Variants in R3HDM2 observed in about 807,000 individuals in gnomAD.
The protein encoded by R3HDM2 is R3H domain containing 2, also known as R3H domain-containing protein 2.
R3HDM2 carries 38 observed loss-of-function variants against 124.5 expected under a neutral mutation model. The observed-to-expected ratio is 0.31, with a 90% CI of 0.24 to 0.40. R3HDM2 has a LOEUF of 0.40. Among genes scored for constraint, R3HDM2 ranks in the 10% least tolerant of loss-of-function variants. R3HDM2 has a pLI of 1.00. For synonymous variants in R3HDM2, 391 were observed against 448.0 expected, an observed-to-expected ratio of 0.87 and a Z score of 1.61; for missense variants, 869 against 1,236.9, an observed-to-expected ratio of 0.70 and a Z score of 4.46.
intron 2 of R3HDM2, among the ~76,000 whole-genome samples, chr12:57,389,577 C>T (rs577714565): frequency 2.6e-5 from 4 of 152,280 alleles, no homozygotes; most frequent in East Asian, 1.9e-4. Context: ...AGTATATACA[C>T]TACATTGTCA....
At chr12:57,265,443 C>G (rs1268373417) in intron 19 of R3HDM2, among the ~76,000 whole-genome samples, 5 of 151,294 alleles carry the variant, frequency 3.3e-5, no homozygotes, top group Admixed American at 6.6e-5. Context: ...AGGATAAGTA[C>G]AGAAGACACA....
Position 57,430,917 on chromosome 12 carries a change from A to C in R3HDM2, c.-303T>G, listed in dbSNP as rs1869752244. ...CGGGGGAGGGGAAAGGGGCTTGGGA[A>C]GGAGGGGGGAGAGGGGAAGAAAAGG... On this transcript the variant is annotated 5_prime_UTR_variant, in exon 1 of 24. Transcript: ENST00000402412. 8.4e-6 allele frequency: 1 copy of C among 118,356 alleles called. No individual in the cohort carries two copies. The allele number at this position is 118,356 out of a possible 1,614,324, so 7.3% of individuals were successfully genotyped here.
chr12:57,369,827 C>G (rs2063104560), intron 2 of R3HDM2, among the ~76,000 whole-genome samples: 1 of 152,038 alleles, frequency 6.6e-6, no homozygotes, highest in Non-Finnish European at 1.5e-5. Context: ...TTAAAAGCAA[C>G]AGAAATTCAA....
Position 57,267,299 on chromosome 12 carries a change from G to A in R3HDM2, c.2031-468C>T, listed in dbSNP as rs549467221. 5.4e-4 allele frequency among the ~76,000 whole-genome samples: 82 copies of A among 152,358 alleles called. No homozygotes were observed. In the South Asian group the frequency reaches 0.016, roughly 30 times the overall value. On this transcript the variant is annotated intron_variant, in intron 18 of 23. Transcript: ENST00000402412. ...CAGTTGGGTGCAGTGGCTTACGCCTGTAATCCCAGCACTTTGGGAGGCCAA... is the reference window on the plus strand; with the variant it reads ...CAGTTGGGTGCAGTGGCTTACGCCTATAATCCCAGCACTTTGGGAGGCCAA...
At chr12:57,382,078 C>T (rs1342580668) in intron 2 of R3HDM2, among the ~76,000 whole-genome samples, 1 of 151,964 alleles carries the variant, frequency 6.6e-6, no homozygotes, top group Non-Finnish European at 1.5e-5. Context: ...AACTCAACCT[C>T]CCAAAGTGCT....
chr12:57,299,382 C>T lies in R3HDM2; in HGVS notation c.391G>A (p.Glu131Lys), dbSNP rs935576981. The T allele has an allele frequency of 1.3e-6, 2 of 1,549,722 alleles. No homozygotes were observed. Among genetic ancestry groups the T allele is most frequent in the Admixed American group, 3.9e-5 (2 of 50,986 alleles). The change falls in exon 6 of 24, where the codon GAA becomes AAA. Residue 131 changes from glutamate to lysine, a missense_variant. Physicochemically the swap from Glu to Lys is moderately conservative, Grantham distance 56 (BLOSUM62 1). Around this residue, in one of 2 missense-constraint regions of R3HDM2, gnomAD observed 267 missense variants for 447.7 expected, o/e 0.60. Coordinates refer to ENST00000402412, the MANE Select transcript of R3HDM2 (RefSeq NM_001394031.1). The part of the protein sequence containing the change: ...SEKEDKDKNK[E>K]KIPRKMLSRD... ...GACAGCATCTTCCTTGGGATCTTTT[C>T]TTTGTTTTTGTCCTTGTCTTCCTTT...
At chr12:57,276,413 G>A (rs2044754752) in intron 14 of R3HDM2, among the ~76,000 whole-genome samples, 1 of 152,138 alleles carries the variant, frequency 6.6e-6, no homozygotes, top group Non-Finnish European at 1.5e-5. Flanking sequence ...AGAAACTGTG[G>A]TATATACACA....
intron 1 of R3HDM2, among the ~76,000 whole-genome samples, chr12:57,405,653 C>A (rs1370297761): frequency 6.6e-6 from 1 of 152,078 alleles, no homozygotes; most frequent in Non-Finnish European, 1.5e-5. Context: ...ACAGACCAAC[C>A]TACAGTCCAA....
At chr12:57,273,606 T>A (rs1221807237) in intron 14 of R3HDM2, among the ~76,000 whole-genome samples, 1 of 152,198 alleles carries the variant, frequency 6.6e-6, no homozygotes, top group African/African-American at 2.4e-5. Flanking sequence ...ATTAAATCAC[T>A]CATCTAGGCT....
At chr12:57,341,474 G>C in intron 2 of R3HDM2, 1 of 937,398 alleles carries the variant, frequency 1.1e-6, no homozygotes, top group Non-Finnish European at 1.3e-6. Flanking sequence ...CGTCACTGGA[G>C]GTAGAGGGAA....
Position 57,403,126 on chromosome 12 carries a change from C to T in R3HDM2, c.-105-7308G>A, listed in dbSNP as rs535127149. ...ATCCCAGCACTTTAGGAGGCTGAGG[C>T]GGGTGGATCACCTGAGGTTAGGAGT... is the stretch of plus-strand genomic sequence containing the variant. On this transcript the variant is annotated intron_variant, in intron 1 of 23. Transcript: ENST00000402412. 3.2e-4 allele frequency among the ~76,000 whole-genome samples: 49 copies of T among 151,860 alleles called. 1 individual carries two copies. In the East Asian group the frequency reaches 9.6e-3, roughly 30 times the overall value.
intron 3 of R3HDM2, among the ~76,000 whole-genome samples, chr12:57,309,481 G>A (rs927417671): frequency 2.0e-5 from 3 of 152,176 alleles, no homozygotes; most frequent in South Asian, 2.1e-4. Flanking sequence ...ACTACAGTAC[G>A]AATTTGGATG....
At chr12:57,361,923 A>G (rs1180200686) in intron 2 of R3HDM2, among the ~76,000 whole-genome samples, 1 of 152,190 alleles carries the variant, frequency 6.6e-6, no homozygotes, top group African/African-American at 2.4e-5. Context: ...GACACCATTA[A>G]GAAAATCACT....
chr12:57,419,346 G>C (rs2069962814), intron 1 of R3HDM2, among the ~76,000 whole-genome samples: 1 of 151,544 alleles, frequency 6.6e-6, no homozygotes, highest in Admixed American at 6.6e-5. Flanking sequence ...GGTTTTATCA[G>C]GTTGGCCAGG....
Position 57,296,600 on chromosome 12 carries a change from A to G in R3HDM2, c.561-49T>C. On this transcript the variant is annotated intron_variant, in intron 8 of 23. Coordinates refer to ENST00000402412, the MANE Select transcript of R3HDM2 (RefSeq NM_001394031.1). This position sits in a 1 kb window ranked among gnomAD's most constrained non-coding sequence, Gnocchi z 4.5. ...AAGTGAAATAAGACAAACAACTGCA[A>G]TAACAACCAATTTTAATTTTTCTTA... is the stretch of plus-strand genomic sequence containing the variant. 1 of 1,521,958 alleles carries G rather than the reference A, an allele frequency of 6.6e-7. No homozygotes were observed. The highest frequency in any genetic ancestry group is 8.9e-7 in the Non-Finnish European group (1 of 1,125,896). 94.3% of individuals were successfully genotyped at this position (1,521,958 alleles called of 1,614,324 possible).
At chr12:57,358,279 G>A (rs1222918955) in intron 2 of R3HDM2, among the ~76,000 whole-genome samples, 6 of 151,882 alleles carry the variant, frequency 4.0e-5, no homozygotes, top group South Asian at 4.2e-4. Flanking sequence ...GAGCCACCGC[G>A]CCCAGCCAAA....
chr12:57,318,179 C>T (rs1341037420), intron 2 of R3HDM2, among the ~76,000 whole-genome samples: 1 of 151,474 alleles, frequency 6.6e-6, no homozygotes, highest in East Asian at 1.9e-4. Flanking sequence ...GTAATTCCAG[C>T]TACTTGGGGG....
chr12:57,257,341 A>G (rs2039379393), intron 21 of R3HDM2, among the ~76,000 whole-genome samples: 1 of 152,230 alleles, frequency 6.6e-6, no homozygotes, highest in Admixed American at 6.5e-5. Context: ...AGACATGTAA[A>G]GCATTTATAG....
intron 3 of R3HDM2, 130 bp from the exon 4 acceptor site, chr12:57,303,347 C>A (rs1051483719): frequency 1.3e-6 from 1 of 783,430 alleles, no homozygotes; most frequent in South Asian, 1.6e-5. Flanking sequence ...TGATGAGGAC[C>A]ACTTGATGTG....
Sources: gnomAD v4.1 joint callset for allele counts (sites outside exome capture counted in the v4.1 genomes callset) on GRCh38, gnomAD v4.1.1 for gene constraint, gnomAD v4.1.1 regional missense constraint, Gnocchi (gnomAD v3.1) non-coding constraint, MANE v1.5 for transcripts, NCBI Gene and HGNC (gene_info 2026-07-23, HGNC 2026-07-21) for gene names.